KDM4C: variants seen among roughly 807,000 people sequenced by gnomAD.
The protein encoded by KDM4C is lysine demethylase 4C.
Under a neutral mutation model 129.3 loss-of-function variants are expected in KDM4C, and 81 were observed. The ratio of observed to expected loss-of-function variants is 0.63; its 90% confidence interval spans 0.52 to 0.75. The LOEUF is 0.75. Among genes scored for constraint, KDM4C ranks in the 30% least tolerant of loss-of-function variants. The probability of loss-of-function intolerance (pLI) is 0.00; values close to 1 mark genes in which losing one functional copy is unlikely to be tolerated. For missense variants in KDM4C, 1,457 were observed against 1,304.0 expected, an observed-to-expected ratio of 1.12 and a Z score of -1.81; for synonymous variants, 573 against 456.1, an observed-to-expected ratio of 1.26 and a Z score of -3.26.
At chr9:6,914,388 A>T (rs1420310952) in intron 8 of KDM4C, among the ~76,000 whole-genome samples, 1 of 152,124 alleles carries the variant, frequency 6.6e-6, no homozygotes, top group Non-Finnish European at 1.5e-5. Context: ...TTCCCATTTT[A>T]ATAAAGCATT....
At chr9:7,154,004 G>T (rs1013078106) in intron 19 of KDM4C, among the ~76,000 whole-genome samples, 1 of 152,160 alleles carries the variant, frequency 6.6e-6, no homozygotes, top group Non-Finnish European at 1.5e-5. Context: ...CTGCATCTCT[G>T]ATCACAGGTT....
chr9:6,771,177 C>T (rs924401095), intron 1 of KDM4C, among the ~76,000 whole-genome samples: 48 of 146,974 alleles, frequency 3.3e-4, no homozygotes, highest in African/African-American at 1.1e-3. Context: ...ATCCTCTTGC[C>T]TTGGCCTCCC....
chr9:6,835,083 C>T, intron 4 of KDM4C: 1 of 990,134 alleles, frequency 1.0e-6, no homozygotes, highest in South Asian at 1.3e-5. Flanking sequence ...TCGTGCGTGA[C>T]ATCAAGGAGA....
intron 12 of KDM4C, among the ~76,000 whole-genome samples, chr9:7,004,406 C>G (rs1455535750): frequency 6.6e-6 from 1 of 152,100 alleles, no homozygotes; most frequent in African/African-American, 2.4e-5. Context: ...CCTCTTTATT[C>G]CAGACATTTA....
At chr9:7,051,780 T>C (rs1249626176) in intron 17 of KDM4C, among the ~76,000 whole-genome samples, 1 of 152,216 alleles carries the variant, frequency 6.6e-6, no homozygotes, top group Non-Finnish European at 1.5e-5. Context: ...TATTTAGATG[T>C]CATAATCAAT....
chr9:7,111,233 G>A (rs187843413), intron 18 of KDM4C, among the ~76,000 whole-genome samples: 2 of 151,426 alleles, frequency 1.3e-5, no homozygotes, highest in South Asian at 4.1e-4. Flanking sequence ...TTCATGGTAG[G>A]TATAGGTTGA....
At chr9:6,921,066 C>T (rs912026657) in intron 8 of KDM4C, among the ~76,000 whole-genome samples, 10 of 151,362 alleles carry the variant, frequency 6.6e-5, no homozygotes, top group African/African-American at 1.9e-4. Flanking sequence ...TTCTTGTTTC[C>T]GTCTGCCTTA....
chr9:6,935,188 C>G (rs1481194731), intron 8 of KDM4C, among the ~76,000 whole-genome samples: 3 of 151,994 alleles, frequency 2.0e-5, no homozygotes, highest in African/African-American at 4.8e-5. Flanking sequence ...AAGATAATAT[C>G]TCAATTATTT....
chr9:6,797,137 G>A lies in KDM4C; in HGVS notation c.144+4005G>A, dbSNP rs558855332. ...CTCCCAAGTAGCTGGGACTACCCAC[G>A]CCTGGGTAATTTTTTTTATTTTTTG... is the stretch of plus-strand genomic sequence containing the variant. On this transcript the variant is annotated intron_variant, in intron 2 of 21. Transcript: ENST00000381309. Among the ~76,000 whole-genome samples, 4 of 151,876 alleles carry A rather than the reference G, an allele frequency of 2.6e-5. No homozygotes were observed. The East Asian group carries it at 5.8e-4, about 22-fold the overall frequency.
intron 2 of KDM4C, among the ~76,000 whole-genome samples, chr9:6,797,214 T>G (rs191418425): frequency 1.9e-4 from 29 of 152,210 alleles, no homozygotes; most frequent in African/African-American, 7.0e-4. Context: ...CTTGAACTCC[T>G]GAGCTCAAGT....
Position 6,846,447 on chromosome 9 carries a change from G to T in KDM4C, c.436-3060G>T, listed in dbSNP as rs1207940156. On this transcript the variant is annotated intron_variant, in intron 4 of 21. Transcript: ENST00000381309. ...TGGTCTAAGTATATGAGACAGACCTGGTACTGTTCAGAAGAGCCTTTGTGG... is the reference window on the plus strand; with the variant it reads ...TGGTCTAAGTATATGAGACAGACCTTGTACTGTTCAGAAGAGCCTTTGTGG... Among the ~76,000 whole-genome samples, 3 of 152,116 alleles carry T rather than the reference G, an allele frequency of 2.0e-5. No homozygotes were observed. In the East Asian group the frequency reaches 5.8e-4, roughly 29 times the overall value.
intron 15 of KDM4C, among the ~76,000 whole-genome samples, chr9:7,032,123 G>C (rs1189316091): frequency 6.6e-6 from 1 of 152,202 alleles, no homozygotes; most frequent in Non-Finnish European, 1.5e-5. Context: ...TATTAGGCAG[G>C]TGGTGAAAGA....
chr9:7,125,786 A>G (rs886770445), intron 18 of KDM4C, among the ~76,000 whole-genome samples: 31 of 152,234 alleles, frequency 2.0e-4, no homozygotes, highest in African/African-American at 7.5e-4. Context: ...TCCCTTGGGG[A>G]TTATGAAGGC....
In KDM4C at chr9:7,077,327, C is replaced by A. The variant is rs373168369; in HGVS notation, c.2425-26358C>A. ...ATTGCTTTGGACATATAGTTGTCAT[C>A]CTATGCCCCTCCCCTCAACTACGGC... On this transcript the variant is annotated intron_variant, in intron 17 of 21. Coordinates refer to ENST00000381309, the MANE Select transcript of KDM4C (RefSeq NM_015061.6). 1.1e-5 allele frequency: 7 copies of A among 636,566 alleles called. No individual in the cohort carries two copies. The East Asian group carries it at 7.0e-4, about 64-fold the overall frequency. The allele number at this position is 636,566 out of a possible 1,614,324, so 39.4% of individuals were successfully genotyped here.
intron 8 of KDM4C, among the ~76,000 whole-genome samples, chr9:6,968,255 C>T (rs1831345745): frequency 6.6e-6 from 1 of 152,134 alleles, no homozygotes; most frequent in Non-Finnish European, 1.5e-5. Context: ...GTGGGAGATT[C>T]ACTTGAGATC....
At chr9:6,987,614 A>C (rs1817956107) in intron 11 of KDM4C, among the ~76,000 whole-genome samples, 1 of 152,186 alleles carries the variant, frequency 6.6e-6, no homozygotes, top group South Asian at 2.1e-4. Context: ...TGTGTCCCTG[A>C]GTAGGAGCAA....
At chr9:6,760,595 A>G (rs1457313660) in intron 1 of KDM4C, among the ~76,000 whole-genome samples, 1 of 150,208 alleles carries the variant, frequency 6.7e-6, no homozygotes, top group Non-Finnish European at 1.5e-5. Context: ...TTTTGAGACG[A>G]AGTCTCACTC....
chr9:6,730,602 G>A (rs182450975), intron 1 of KDM4C, among the ~76,000 whole-genome samples: 5 of 148,988 alleles, frequency 3.4e-5, no homozygotes, highest in East Asian at 2.0e-4. Flanking sequence ...GCGACAGAGC[G>A]AGACTCTGTC....
At chr9:7,057,861 C>G (rs1018370039) in intron 17 of KDM4C, among the ~76,000 whole-genome samples, 5 of 152,194 alleles carry the variant, frequency 3.3e-5, no homozygotes, top group Admixed American at 6.5e-5. Flanking sequence ...TTGATGTTCT[C>G]TAAAACAGAA....
Sources: allele counts gnomAD v4.1 joint callset (sites outside exome capture counted in the v4.1 genomes callset), GRCh38; gene constraint gnomAD v4.1.1; transcripts MANE v1.5; gene names NCBI Gene and HGNC (gene_info 2026-07-23, HGNC 2026-07-21).